Variants in SNX8 observed in about 807,000 individuals in gnomAD.
SNX8 encodes sorting nexin 8.
A neutral mutation model predicts 51.6 loss-of-function variants in SNX8; 25 were observed. The ratio of observed to expected loss-of-function variants is 0.48; its 90% CI spans 0.35 to 0.68. SNX8 has a LOEUF of 0.68. Among genes scored for constraint, SNX8 ranks in the 30% least tolerant of loss-of-function variants. The pLI is 0.00. For missense variants in SNX8, 695 were observed against 624.0 expected (o/e 1.11, Z -1.21); for synonymous variants, 324 against 277.0 (o/e 1.17, Z -1.68).
intron 1 of SNX8, among the ~76,000 whole-genome samples, chr7:2,284,087 G>A (rs1017521758): frequency 9.9e-5 from 15 of 151,742 alleles, no homozygotes; most frequent in African/African-American, 3.6e-4. Context: ...CCGCCACCAC[G>A]CCCGGCTAAT....
At chr7:2,279,068 C>T (rs112123096) in intron 1 of SNX8, among the ~76,000 whole-genome samples, 1 of 738 alleles carries the variant, frequency 1.4e-3, no homozygotes, top group African/African-American at 4.3e-3. Flanking sequence ...GAGTCGACGC[C>T]GGACTCACTC....
At position 2,314,405 on chromosome 7, in the gene SNX8, A is replaced by C. The variant is rs895930962; in HGVS notation, c.17T>G (p.Met6Arg). Residue 6 changes from methionine (M) to arginine (R), a missense_variant, in exon 1 of 11, where the codon ATG becomes AGG. By Grantham distance (91) the Met-to-Arg change is moderately conservative. Coordinates refer to ENST00000222990, the MANE Select transcript of SNX8 (RefSeq NM_013321.4). Reference sequence around the variant, plus strand: ...GACTGCAGCCGCGGGCAGCGGGTCCATCGCGCGGCCAGTCATGTGAGCCCG... The same window carrying C: ...GACTGCAGCCGCGGGCAGCGGGTCCCTCGCGCGGCCAGTCATGTGAGCCCG... MTGRAMDPLPAAAVGA... is the reference protein window; with the variant it reads MTGRARDPLPAAAVGA... 1.6e-5 allele frequency: 20 copies of C among 1,218,492 alleles called. No individual in the cohort carries two copies. Among genetic ancestry groups the C allele is most frequent in the Non-Finnish European group, 2.0e-5 (20 of 979,216 alleles). The allele number at this position is 1,218,492 out of a possible 1,614,324, so 75.5% of individuals were successfully genotyped here. A position where few individuals can be genotyped will look rare whatever the true frequency, so the allele number is the denominator to read the frequency against.
chr7:2,300,487 A>G (rs1343555112), intron 1 of SNX8, among the ~76,000 whole-genome samples: 2 of 151,120 alleles, frequency 1.3e-5, no homozygotes, highest in East Asian at 3.9e-4. Context: ...ATCTTAGCTC[A>G]CTGTAGCCTC....
chr7:2,315,497 GCTT>G (rs1477244218), upstream of SNX8, among the ~76,000 whole-genome samples: 1 of 132,322 alleles, frequency 7.6e-6, no homozygotes, highest in Non-Finnish European at 1.6e-5. Context: ...CTCACTTACT[GCTT>G]CTTCATACGT....
chr7:2,266,383 G>A (rs1795464324), intron 5 of SNX8, among the ~76,000 whole-genome samples: 1 of 150,868 alleles, frequency 6.6e-6, no homozygotes, highest in African/African-American at 2.4e-5. Context: ...TGGTGTCTCT[G>A]TCGTCCAGGC....
At chr7:2,303,453 G>A (rs533309173) in intron 1 of SNX8, among the ~76,000 whole-genome samples, 11 of 152,340 alleles carry the variant, frequency 7.2e-5, no homozygotes, top group East Asian at 5.8e-4. Flanking sequence ...TCTGGGAGGT[G>A]TACTCAACAG....
At chr7:2,340,941 T>C (rs1199664681) in intron 1 of SNX8, among the ~76,000 whole-genome samples, 3 of 148,482 alleles carry the variant, frequency 2.0e-5, no homozygotes, top group Non-Finnish European at 4.4e-5. Context: ...CCCAGCACTT[T>C]GGGAGGCCAA....
At position 2,264,391 on chromosome 7, in the gene SNX8, T is replaced by C. The variant is rs1223952777; in HGVS notation, c.689A>G (p.Asn230Ser). 4 of 1,612,858 alleles carry C rather than the reference T, an allele frequency of 2.5e-6. No individual in the cohort carries two copies. The highest frequency in any genetic ancestry group is 2.5e-6 in the Non-Finnish European group (3 of 1,179,992). The part of the protein sequence containing the change: ...ISRELIRNIY[N>S]SFHKLRDRAE... The stretch of plus-strand genomic sequence containing the variant: ...CCTGTCGCGAAGCTTGTGAAAGCTA[T>C]TGTAGATGTTCCGGATCAGCTCCCG... The change falls in exon 6 of 11, where the codon AAT becomes AGT. Residue 230 changes from asparagine to serine, a missense_variant. Physicochemically the swap from Asn to Ser is conservative, Grantham distance 46 (BLOSUM62 1). Transcript: ENST00000222990.
chr7:2,264,485 CTG>C, intron 5 of SNX8, 27 bp from the exon 6 acceptor site: 1 of 1,594,442 alleles, frequency 6.3e-7, no homozygotes, highest in Non-Finnish European at 8.5e-7. Flanking sequence ...GGGAGAGACA[CTG>C]TGTTAGTCGC....
chr7:2,334,220 G>A (rs369163983), intron 1 of SNX8, among the ~76,000 whole-genome samples: 3 of 152,182 alleles, frequency 2.0e-5, no homozygotes, highest in African/African-American at 4.8e-5. Context: ...TGGCTAACAC[G>A]GTGAAACCCC....
chr7:2,283,760 C>T (rs1223055911), intron 1 of SNX8, among the ~76,000 whole-genome samples: 1 of 152,182 alleles, frequency 6.6e-6, no homozygotes, highest in Non-Finnish European at 1.5e-5. Context: ...CTCCCAGCGT[C>T]TCTCCAACAG....
chr7:2,258,896 G>A (rs147599934), intron 7 of SNX8, among the ~76,000 whole-genome samples: 128 of 152,274 alleles, frequency 8.4e-4, no homozygotes, highest in African/African-American at 2.9e-3. Context: ...GCCCCATCAC[G>A]GCAGAGGGAT....
intron 1 of SNX8, among the ~76,000 whole-genome samples, chr7:2,284,368 A>G (rs1410323283): frequency 6.8e-6 from 1 of 147,990 alleles, no homozygotes; most frequent in African/African-American, 2.5e-5. Context: ...AATGGAAATC[A>G]GGTGTTCATA....
At chr7:2,288,280 G>T (rs890501734) in intron 1 of SNX8, 1 of 151,888 alleles carries the variant, frequency 6.6e-6, no homozygotes, top group East Asian at 1.9e-4. Context: ...AGAGGCGGAG[G>T]TGGAGGTTGC....
upstream of SNX8, among the ~76,000 whole-genome samples, chr7:2,317,923 TC>T (rs956989279): frequency 6.6e-6 from 1 of 152,050 alleles, no homozygotes; most frequent in African/African-American, 2.4e-5. Context: ...TCCTGTGACC[TC>T]CCCCCATATC....
intron 1 of SNX8, among the ~76,000 whole-genome samples, chr7:2,353,793 C>A (rs1779226323): frequency 6.6e-6 from 1 of 151,928 alleles, no homozygotes; most frequent in Admixed American, 6.6e-5. Flanking sequence ...GGCTGGCGTG[C>A]GGGGGGTGGT....
Position 2,253,161 on chromosome 7 carries a change from CT to C in SNX8, c.*1894del, listed in dbSNP as rs1795087153. On this transcript the variant is annotated 3_prime_UTR_variant, in exon 11 of 11. Transcript: ENST00000222990. ...GGAGATGCCGCCAGGTATGTGGCCT[CT>C]CATACACTCACTGACCCCGGAGTCC... 6.5e-6 allele frequency: 1 copy of C among 154,574 alleles called. No individual in the cohort carries two copies. The highest frequency in any genetic ancestry group is 2.0e-4 in the South Asian group (1 of 4,950). The allele number at this position is 154,574 out of a possible 1,614,324, so 9.6% of individuals were successfully genotyped here.
chr7:2,264,485 C>T (rs1795418281), intron 5 of SNX8, 27 bp from the exon 6 acceptor site: 1 of 1,594,442 alleles, frequency 6.3e-7, no homozygotes, highest in Non-Finnish European at 8.5e-7. Context: ...GGGAGAGACA[C>T]TGTGTTAGTC....
chr7:2,340,597 C>T (rs1223867178), intron 1 of SNX8, among the ~76,000 whole-genome samples: 1 of 151,208 alleles, frequency 6.6e-6, no homozygotes, highest in Non-Finnish European at 1.5e-5. Flanking sequence ...TGGCTCACGC[C>T]TGTAATCCCA....
Sources: gnomAD v4.1 joint callset for allele counts (sites outside exome capture counted in the v4.1 genomes callset) on GRCh38, gnomAD v4.1.1 for gene constraint, MANE v1.5 for transcripts, NCBI Gene and HGNC (gene_info 2026-07-23, HGNC 2026-07-21) for gene names.